EDA: variants seen among roughly 807,000 people sequenced by gnomAD.
EDA encodes the protein ectodysplasin-A.
EDA carries 2 observed loss-of-function variants against 23.6 expected under a neutral mutation model. The observed-to-expected ratio is 0.08, with a 90% CI of 0.03 to 0.27. The LOEUF is 0.27. Ranked by LOEUF, EDA falls within the 10% of genes least tolerant of loss-of-function variation. EDA has a pLI of 1.00. For missense variants in EDA, 229 were observed against 324.2 expected (o/e 0.71, Z 2.26); for synonymous variants, 131 against 132.0 (o/e 0.99, Z 0.05).
intron 1 of EDA, among the ~76,000 whole-genome samples, chrX:69,704,841 G>A (rs2011647103): frequency 9.1e-6 from 1 of 110,311 alleles, no homozygotes; most frequent in Non-Finnish European, 1.9e-5. Flanking sequence ...GGCCATTGAA[G>A]GAGTTCAGGA....
intron 1 of EDA, among the ~76,000 whole-genome samples, chrX:69,806,121 G>A (rs1238881814): frequency 9.0e-6 from 1 of 111,419 alleles, no homozygotes. Context: ...GGAATTCAAG[G>A]CCAGGTTACC....
chrX:69,674,353 A>C (rs984742994), intron 1 of EDA, among the ~76,000 whole-genome samples: 1 of 111,811 alleles, frequency 8.9e-6, no homozygotes, highest in African/African-American at 3.2e-5. Flanking sequence ...AATGGTGTAT[A>C]TTTTAAATTT....
At chrX:69,854,920 C>T (rs932996044) in intron 1 of EDA, among the ~76,000 whole-genome samples, 2 of 112,295 alleles carry the variant, frequency 1.8e-5, no homozygotes, top group South Asian at 7.4e-4. Flanking sequence ...TACACTCCCA[C>T]CAACAGTGTA....
At chrX:69,826,090 A>C (rs1360308074) in intron 1 of EDA, among the ~76,000 whole-genome samples, 5 of 110,140 alleles carry the variant, frequency 4.5e-5, no homozygotes, top group African/African-American at 1.7e-4. Context: ...CTGTTCTTTT[A>C]CATTTGCTGA....
intron 3 of EDA, among the ~76,000 whole-genome samples, chrX:70,027,117 C>T (rs1391557554): frequency 1.8e-5 from 2 of 112,144 alleles, no homozygotes; most frequent in Non-Finnish European, 3.8e-5. Flanking sequence ...CTAAAAAGAA[C>T]CACAAAGTGA....
chrX:69,638,229 T>C (rs2147227288), intron 1 of EDA, among the ~76,000 whole-genome samples: 1 of 111,719 alleles, frequency 9.0e-6, no homozygotes, highest in South Asian at 3.7e-4. Flanking sequence ...TGCCAATGAA[T>C]TATACAAAAA....
intron 1 of EDA, among the ~76,000 whole-genome samples, chrX:69,818,822 A>G (rs1411420847): frequency 7.1e-5 from 8 of 112,103 alleles, no homozygotes; most frequent in Non-Finnish European, 1.3e-4. Flanking sequence ...TACTGAAACT[A>G]TTCTAAACAA....
rs1280526207 is a variant in EDA, at chrX:70,035,458, A to G, written c.1025A>G (p.Asn342Ser). 1.7e-6 allele frequency: 2 copies of G among 1,210,756 alleles called. No homozygotes were observed. Among genetic ancestry groups the G allele is most frequent in the Admixed American group, 4.4e-5 (2 of 45,865 alleles). ...CGCAGCATCGAGACGGGCAAGACCA[A>G]CTACAACACTTGCTATACCGCAGGC... ...CTRSIETGKT[N>S]YNTCYTAGVC... Residue 342 changes from asparagine (N) to serine (S), a missense_variant, in exon 8 of 8, where the codon AAC becomes AGC. Physicochemically the swap from Asn to Ser is conservative, Grantham distance 46 (BLOSUM62 1). Transcript: ENST00000374552.
At chrX:69,753,107 G>A (rs1430049950) in intron 1 of EDA, among the ~76,000 whole-genome samples, 3 of 110,980 alleles carry the variant, frequency 2.7e-5, no homozygotes, top group Non-Finnish European at 3.8e-5. Context: ...GTTATTTCTT[G>A]CCTTCTGCTA....
At chrX:69,861,576 T>C (rs1027939704) in intron 1 of EDA, among the ~76,000 whole-genome samples, 2 of 111,705 alleles carry the variant, frequency 1.8e-5, no homozygotes, top group African/African-American at 6.5e-5. Flanking sequence ...GACTAAATTC[T>C]CTGGTTAAAA....
intron 1 of EDA, among the ~76,000 whole-genome samples, chrX:69,884,090 A>G (rs1415741124): frequency 1.8e-5 from 2 of 111,600 alleles, no homozygotes; most frequent in Non-Finnish European, 3.8e-5. Flanking sequence ...TTTTCTAACT[A>G]CTACTGAAAG....
At chrX:69,862,175 C>T (rs1028990805) in intron 1 of EDA, among the ~76,000 whole-genome samples, 8 of 110,916 alleles carry the variant, frequency 7.2e-5, no homozygotes, top group South Asian at 3.9e-4. Flanking sequence ...CATAGCTATT[C>T]GCAGGAGTCC....
At chrX:69,679,824 G>T (rs1934263357) in intron 1 of EDA, among the ~76,000 whole-genome samples, 1 of 109,084 alleles carries the variant, frequency 9.2e-6, no homozygotes, top group Non-Finnish European at 1.9e-5. Flanking sequence ...ATTTCCTTCA[G>T]TTCTGCTCTG....
intron 1 of EDA, among the ~76,000 whole-genome samples, chrX:69,799,359 C>T (rs1204463589): frequency 9.0e-6 from 1 of 111,042 alleles, no homozygotes; most frequent in African/African-American, 3.3e-5. Context: ...GTTTAAAAAG[C>T]TTCTGCACAG....
chrX:69,826,658 G>T (rs2016445900), intron 1 of EDA, among the ~76,000 whole-genome samples: 1 of 109,486 alleles, frequency 9.1e-6, no homozygotes, highest in Non-Finnish European at 1.9e-5. Context: ...TATCCAATTT[G>T]CCAGTCTGTG....
chrX:69,927,527 T>A (rs1227942213), intron 1 of EDA, among the ~76,000 whole-genome samples: 1 of 111,773 alleles, frequency 8.9e-6, no homozygotes, highest in Non-Finnish European at 1.9e-5. Context: ...CCACTGTTAG[T>A]CTGATGGGCT....
In EDA at chrX:69,978,517, A is replaced by ATAAAT. The variant is rs1396559872; in HGVS notation, c.502+21385_502+21386insTAAAT. ...GAATCTGTCTCAAAAAAAAAAAAAAAAAAGAAAGAAAGAAAAAAAGCAGCT... is the reference window on the plus strand; with the variant it reads ...GAATCTGTCTCAAAAAAAAAAAAAAATAAATAAAGAAAGAAAGAAAAAAAGCAGCT... On this transcript the variant is annotated intron_variant, in intron 2 of 7. Coordinates refer to ENST00000374552, the MANE Select transcript of EDA (RefSeq NM_001399.5). Among the ~76,000 whole-genome samples, 295 of 103,276 alleles carry ATAAAT rather than the reference A, an allele frequency of 2.9e-3. 3 individuals carry two copies. The highest frequency in any genetic ancestry group is 0.014 in the Middle Eastern group (3 of 209). The allele number at this position is 103,276 out of a possible 115,157, so 89.7% of individuals were successfully genotyped here.
At chrX:69,695,915 TAAAG>T (rs1363946256) in intron 1 of EDA, among the ~76,000 whole-genome samples, 1 of 110,061 alleles carries the variant, frequency 9.1e-6, no homozygotes, top group Non-Finnish European at 1.9e-5. Flanking sequence ...ACCAAAAAGG[TAAAG>T]AAAGAACTCT....
intron 1 of EDA, among the ~76,000 whole-genome samples, chrX:69,882,378 C>A (rs1378647853): frequency 8.9e-6 from 1 of 112,025 alleles, no homozygotes; most frequent in East Asian, 2.8e-4. Context: ...GACTGCTCTG[C>A]AAATGTGGAT....
Sources: gnomAD v4.1 joint callset for allele counts (sites outside exome capture counted in the v4.1 genomes callset) on GRCh38, gnomAD v4.1.1 for gene constraint, MANE v1.5 for transcripts, NCBI Gene and HGNC (gene_info 2026-07-23, HGNC 2026-07-21) for gene names.